Variants in ALDH1A2 observed in about 807,000 individuals in gnomAD.
ALDH1A2 encodes the protein aldehyde dehydrogenase 1 family member A2, also known as retinal dehydrogenase 2.
Under a neutral mutation model 60.3 loss-of-function variants are expected in ALDH1A2, and 27 were observed. That is an observed-to-expected ratio of 0.45 (90% confidence interval 0.33 to 0.62). The LOEUF (loss-of-function observed/expected upper bound fraction) is 0.62, where lower values mean the gene tolerates loss of function less well. ALDH1A2 is among the 20% of genes least tolerant of loss of function. The pLI, the probability that ALDH1A2 is intolerant of heterozygous loss-of-function variation, is 0.02. For missense variants in ALDH1A2, 581 were observed against 643.8 expected, an observed-to-expected ratio of 0.90 and a Z score of 1.06; for synonymous variants, 289 against 232.4, an observed-to-expected ratio of 1.24 and a Z score of -2.21.
chr15:58,055,151 G>A (rs1896866004), intron 1 of ALDH1A2, among the ~76,000 whole-genome samples: 1 of 152,016 alleles, frequency 6.6e-6, no homozygotes, highest in African/African-American at 2.4e-5. Flanking sequence ...AGGGAAGGAG[G>A]AGTATTGAGT....
intron 1 of ALDH1A2, among the ~76,000 whole-genome samples, chr15:58,052,183 T>C (rs575928661): frequency 6.6e-6 from 1 of 152,212 alleles, no homozygotes; most frequent in African/African-American, 2.4e-5. Flanking sequence ...TAACCATGAG[T>C]ACATTGTTGA....
intron 4 of ALDH1A2, among the ~76,000 whole-genome samples, chr15:58,002,231 G>A (rs965467150): frequency 5.3e-5 from 8 of 151,998 alleles, no homozygotes; most frequent in Middle Eastern, 6.8e-3. Flanking sequence ...GAGTATGTGT[G>A]CATTGAGCCA....
At chr15:58,031,560 C>T (rs1312543724) in intron 1 of ALDH1A2, among the ~76,000 whole-genome samples, 1 of 152,180 alleles carries the variant, frequency 6.6e-6, no homozygotes, top group Non-Finnish European at 1.5e-5. Flanking sequence ...AAGAAACTAT[C>T]ATCAGAGTGA....
chr15:57,988,354 A>G (rs1034349076), intron 7 of ALDH1A2, among the ~76,000 whole-genome samples: 16 of 152,230 alleles, frequency 1.1e-4, no homozygotes, highest in Non-Finnish European at 2.2e-4. Flanking sequence ...GAATAAAAAG[A>G]GTGGTAAAAT....
At chr15:58,064,817 A>C (rs1225900509) in intron 1 of ALDH1A2, among the ~76,000 whole-genome samples, 1 of 152,156 alleles carries the variant, frequency 6.6e-6, no homozygotes, top group African/African-American at 2.4e-5. Flanking sequence ...ATGCAACAAC[A>C]AAAATCCTGC....
chr15:58,042,372 C>T (rs1186777019), intron 1 of ALDH1A2, among the ~76,000 whole-genome samples: 3 of 151,920 alleles, frequency 2.0e-5, no homozygotes, highest in Non-Finnish European at 4.4e-5. Context: ...TCCTTAAGAA[C>T]AAATACTATG....
intron 1 of ALDH1A2, among the ~76,000 whole-genome samples, chr15:58,043,843 T>C (rs1252071070): frequency 6.6e-6 from 1 of 152,024 alleles, no homozygotes; most frequent in African/African-American, 2.4e-5. Context: ...TGAGAATCTT[T>C]TTCTCGGTCT....
chr15:58,062,134 C>T (rs1489020542), intron 1 of ALDH1A2, among the ~76,000 whole-genome samples: 1 of 152,018 alleles, frequency 6.6e-6, no homozygotes. Flanking sequence ...TGCCTTTTTG[C>T]CTCTTCTATT....
At chr15:58,065,279 G>C (rs995187319) in intron 1 of ALDH1A2, 11 of 519,592 alleles carry the variant, frequency 2.1e-5, no homozygotes, top group Admixed American at 3.2e-5. Context: ...GTCCGGGGCA[G>C]GAGCCGTTGA....
chr15:58,024,875 G>A (rs1431454281), intron 1 of ALDH1A2, among the ~76,000 whole-genome samples: 2 of 152,054 alleles, frequency 1.3e-5, no homozygotes, highest in African/African-American at 2.4e-5. Context: ...AGAAATCAAT[G>A]CCAAGAACAA....
Position 58,022,595 on chromosome 15 carries a change from C to T in ALDH1A2, c.118-8314G>A, listed in dbSNP as rs528499173. Among the ~76,000 whole-genome samples, 27 of 152,266 alleles carry T rather than the reference C, an allele frequency of 1.8e-4. No homozygotes were observed. In the South Asian group the frequency reaches 5.6e-3, roughly 32 times the overall value. ...AACACAGGTGCCAGGGTATTCCACA[C>T]TGAGGCACAAAGACAGGCACACTCA... On this transcript the variant is annotated intron_variant, in intron 1 of 12. Coordinates refer to ENST00000249750, the MANE Select transcript of ALDH1A2 (RefSeq NM_003888.4).
chr15:58,061,616 A>AAAAAAAAAAAAAAAAAAAAC (rs1897040294), intron 1 of ALDH1A2, among the ~76,000 whole-genome samples: 1 of 148,672 alleles, frequency 6.7e-6, no homozygotes, highest in Non-Finnish European at 1.5e-5. Context: ...AAAACAAAAA[A>AAAAAAAAAAAAAAAAAAAAC]AAAAAAAAAA....
At chr15:58,006,105 A>C (rs1167559433) in intron 4 of ALDH1A2, among the ~76,000 whole-genome samples, 4 of 151,646 alleles carry the variant, frequency 2.6e-5, no homozygotes, top group African/African-American at 7.3e-5. Context: ...GTGGTTTCCA[A>C]GATTTTGGTG....
intron 1 of ALDH1A2, among the ~76,000 whole-genome samples, chr15:58,043,777 A>G (rs1292188253): frequency 2.6e-5 from 4 of 152,090 alleles, no homozygotes; most frequent in African/African-American, 9.6e-5. Flanking sequence ...GTACACCAAG[A>G]TCATACTTTA....
chr15:57,977,479 A>G (rs1457451890), intron 7 of ALDH1A2, among the ~76,000 whole-genome samples: 3 of 150,620 alleles, frequency 2.0e-5, no homozygotes, highest in East Asian at 2.0e-4. Context: ...AGTTTTCCCA[A>G]TTGCTTGGAT....
chr15:58,034,195 TTTA>T (rs1471393329), intron 1 of ALDH1A2, among the ~76,000 whole-genome samples: 32 of 151,764 alleles, frequency 2.1e-4, no homozygotes, highest in African/African-American at 7.7e-4. Context: ...ATGTACATAT[TTTA>T]TTATATTTAT....
At chr15:57,963,791 G>T in intron 9 of ALDH1A2, 94 bp downstream of exon 9, 1 of 1,346,820 alleles carries the variant, frequency 7.4e-7, no homozygotes, top group Non-Finnish European at 1.0e-6. Flanking sequence ...AGCCGAAAAG[G>T]AAGATGTCGC....
At chr15:57,999,506 C>G (rs1429010468) in intron 4 of ALDH1A2, among the ~76,000 whole-genome samples, 4 of 151,902 alleles carry the variant, frequency 2.6e-5, no homozygotes, top group African/African-American at 9.7e-5. Context: ...TCACCCCACT[C>G]AGAAGGGCAA....
intron 7 of ALDH1A2, among the ~76,000 whole-genome samples, chr15:57,987,246 A>G (rs1242250277): frequency 1.3e-5 from 2 of 149,028 alleles, no homozygotes; most frequent in Admixed American, 1.3e-4. Context: ...AGTAGAAAGC[A>G]AAAAAAAAAG....
Sources: gnomAD v4.1 joint callset for allele counts (sites outside exome capture counted in the v4.1 genomes callset) on GRCh38, gnomAD v4.1.1 for gene constraint, MANE v1.5 for transcripts, NCBI Gene and HGNC (gene_info 2026-07-23, HGNC 2026-07-21) for gene names.